The following SFXN5 variants were observed in gnomAD, a reference collection of about 807,000 sequenced individuals.
SFXN5 encodes the protein sideroflexin 5.
SFXN5 carries 43 observed loss-of-function variants against 50.2 expected under a neutral mutation model. That is an observed-to-expected ratio of 0.86 (90% CI 0.67 to 1.11). The LOEUF is 1.11. Ranked by LOEUF, SFXN5 falls within the 50% of genes least tolerant of loss-of-function variation. SFXN5 has a pLI of 0.00. For synonymous variants in SFXN5, 203 were observed against 185.8 expected (o/e 1.09, Z -0.75); for missense variants, 463 against 454.1 (o/e 1.02, Z -0.18).
chr2:73,048,143 G>A (rs181330468), intron 2 of SFXN5, among the ~76,000 whole-genome samples: 16 of 152,080 alleles, frequency 1.1e-4, no homozygotes, highest in African/African-American at 3.4e-4. Context: ...GTATATACAC[G>A]TATCATGCAT....
At chr2:72,962,405 T>C (rs887947492) in intron 12 of SFXN5, among the ~76,000 whole-genome samples, 1 of 152,254 alleles carries the variant, frequency 6.6e-6, no homozygotes, top group African/African-American at 2.4e-5. Context: ...CAACAGCAAC[T>C]GGCCCTGAGA....
intron 10 of SFXN5, 136 bp downstream of exon 10, chr2:72,988,122 C>T (rs1574042926): frequency 2.8e-6 from 2 of 724,050 alleles, no homozygotes; most frequent in East Asian, 5.5e-5. Context: ...TTTAGCTAAA[C>T]ATATTACACC....
intron 3 of SFXN5, among the ~76,000 whole-genome samples, chr2:73,028,472 C>T (rs778441080): frequency 2.0e-4 from 31 of 152,156 alleles, no homozygotes; most frequent in African/African-American, 3.1e-4. Flanking sequence ...GGCAGGACTC[C>T]GGGTGCCTGT....
At chr2:72,988,627 A>G (rs1417272633) in intron 9 of SFXN5, among the ~76,000 whole-genome samples, 2 of 152,096 alleles carry the variant, frequency 1.3e-5, no homozygotes, top group Non-Finnish European at 2.9e-5. Flanking sequence ...ACATACACAC[A>G]CATTTACACA....
chr2:72,974,239 T>C (rs567214962), intron 10 of SFXN5, among the ~76,000 whole-genome samples: 16 of 152,126 alleles, frequency 1.1e-4, no homozygotes, highest in East Asian at 5.8e-4. Flanking sequence ...TGTGTATGCA[T>C]AGGGGAGACA....
At chr2:73,007,677 A>C (rs1481130432) in intron 6 of SFXN5, among the ~76,000 whole-genome samples, 1 of 151,882 alleles carries the variant, frequency 6.6e-6, no homozygotes, top group Non-Finnish European at 1.5e-5. Context: ...TTTACATCTC[A>C]TCCCCTTCCG....
Position 73,022,545 on chromosome 2 carries a change from AT to A in SFXN5, c.307del (p.Ile103SerfsTer18). On this transcript the variant is annotated frameshift_variant, in exon 5 of 14. Coordinates refer to ENST00000272433, the MANE Select transcript of SFXN5 (RefSeq NM_144579.3). LOFTEE classifies it high-confidence loss of function. Reference sequence around the variant, plus strand: ...ACCTGACATTCTAAATGGCATGAAGATCTTCTCATTGGTGTCCGGATGTAGA... The same window carrying A: ...ACCTGACATTCTAAATGGCATGAAGACTTCTCATTGGTGTCCGGATGTAGA... ...AILHPDTNEK[I>X]FMPFRMSGYI... The A allele has an allele frequency of 2.0e-6, 3 of 1,515,792 alleles. No individual in the cohort carries two copies. The highest frequency in any genetic ancestry group is 2.7e-6 in the Non-Finnish European group (3 of 1,120,586). 93.9% of individuals were successfully genotyped at this position (1,515,792 alleles called of 1,614,324 possible). A position where few individuals can be genotyped will look rare whatever the true frequency, so the allele number is the denominator to read the frequency against.
At chr2:73,069,405 G>A (rs1214743402) in intron 1 of SFXN5, among the ~76,000 whole-genome samples, 1 of 152,150 alleles carries the variant, frequency 6.6e-6, no homozygotes, top group East Asian at 1.9e-4. Context: ...TGAGGGAGAA[G>A]AAGGAAAGAA....
At chr2:72,952,430 A>G (rs1440321228) in intron 13 of SFXN5, among the ~76,000 whole-genome samples, 2 of 152,008 alleles carry the variant, frequency 1.3e-5, no homozygotes, top group African/African-American at 4.8e-5. Flanking sequence ...GCCCCACCCC[A>G]CTGTGAGCCG....
chr2:72,959,348 C>T (rs545956931), intron 13 of SFXN5, among the ~76,000 whole-genome samples: 5 of 152,194 alleles, frequency 3.3e-5, no homozygotes, highest in African/African-American at 1.2e-4. Flanking sequence ...CCTGACAAAA[C>T]CCCAGAAGAA....
intron 13 of SFXN5, among the ~76,000 whole-genome samples, chr2:72,958,329 C>A (rs1229026285): frequency 1.3e-5 from 2 of 152,204 alleles, no homozygotes; most frequent in Non-Finnish European, 2.9e-5. Context: ...GGGGCCTGGA[C>A]TTGGAGTGTG....
intron 10 of SFXN5, among the ~76,000 whole-genome samples, chr2:72,984,411 A>C (rs1574032002): frequency 6.6e-6 from 1 of 152,226 alleles, no homozygotes; most frequent in Non-Finnish European, 1.5e-5. Context: ...CAGGGAGGAC[A>C]CCGCGTAGCC....
At chr2:73,012,106 T>C (rs922003105) in intron 6 of SFXN5, among the ~76,000 whole-genome samples, 1 of 152,210 alleles carries the variant, frequency 6.6e-6, no homozygotes, top group Non-Finnish European at 1.5e-5. Context: ...AAGTATATTG[T>C]TATATTTTAA....
chr2:73,011,406 T>A (rs1327106812), intron 6 of SFXN5, among the ~76,000 whole-genome samples: 2 of 152,116 alleles, frequency 1.3e-5, no homozygotes, highest in Non-Finnish European at 2.9e-5. Flanking sequence ...AAGACTCAAA[T>A]CAATCAAAAG....
At chr2:72,981,962 AC>A (rs1671351534) in intron 10 of SFXN5, among the ~76,000 whole-genome samples, 1 of 102,724 alleles carries the variant, frequency 9.7e-6, no homozygotes, top group Non-Finnish European at 1.9e-5. Context: ...TATCACTGGA[AC>A]TTTGTGTGTG....
At position 73,071,694 on chromosome 2, in the gene SFXN5, T is replaced by C. The variant is rs1374505804; in HGVS notation, c.12A>G (p.Thr4=). The part of the protein sequence containing the change: MAD[T]ATTASAAAAS... ...CCGCCGCCGCCGATGCTGTAGTCGC[T>C]GTATCCGCCATGGCCACTGACGCCC... Residue 4 remains threonine, a synonymous_variant, in exon 1 of 14, where the codon ACA becomes ACG. Coordinates refer to ENST00000272433, the MANE Select transcript of SFXN5 (RefSeq NM_144579.3). 1 of 1,612,732 alleles carries C rather than the reference T, an allele frequency of 6.2e-7. No individual in the cohort carries two copies. Among genetic ancestry groups the C allele is most frequent in the Non-Finnish European group, 8.5e-7 (1 of 1,179,836 alleles).
chr2:72,981,738 C>T (rs1452408496), intron 10 of SFXN5, among the ~76,000 whole-genome samples: 1 of 152,220 alleles, frequency 6.6e-6, no homozygotes, highest in African/African-American at 2.4e-5. Flanking sequence ...GGCACCCAGC[C>T]CAGCCCAACC....
chr2:73,000,579 G>A lies in SFXN5; in HGVS notation c.412-92C>T, dbSNP rs964257276. ...CCAGGAGGCCACACATCCCCAGAAA[G>A]GCACAGCATGCGGTCTCCAGCTCAC... On this transcript the variant is annotated intron_variant, in intron 7 of 13. Transcript: ENST00000272433. The A allele has an allele frequency of 2.5e-6, 3 of 1,223,244 alleles. No homozygotes were observed. In the Admixed American group the frequency reaches 6.1e-5, roughly 25 times the overall value. 75.8% of individuals were successfully genotyped at this position (1,223,244 alleles called of 1,614,324 possible). A position where few individuals can be genotyped will look rare whatever the true frequency, so the allele number is the denominator to read the frequency against.
intron 12 of SFXN5, among the ~76,000 whole-genome samples, chr2:72,963,603 T>G (rs1372649177): frequency 6.6e-6 from 1 of 151,350 alleles, no homozygotes; most frequent in Non-Finnish European, 1.5e-5. Context: ...AATATGTAGA[T>G]GGAGAGATGT....
Sources: gnomAD v4.1 joint callset for allele counts (sites outside exome capture counted in the v4.1 genomes callset) on GRCh38, gnomAD v4.1.1 for gene constraint, MANE v1.5 for transcripts, NCBI Gene and HGNC (gene_info 2026-07-23, HGNC 2026-07-21) for gene names.